The following DPYD variants were observed in gnomAD, a reference collection of about 807,000 sequenced individuals.
DPYD encodes the protein dihydropyrimidine dehydrogenase [NADP(+)].
A neutral mutation model predicts 116.2 loss-of-function variants in DPYD; 109 were observed. The observed-to-expected ratio is 0.94, with a 90% confidence interval of 0.80 to 1.10. The LOEUF (loss-of-function observed/expected upper bound fraction) is 1.10. Among genes scored for constraint, DPYD ranks in the 50% least tolerant of loss-of-function variants. The probability of loss-of-function intolerance (pLI) is 0.00; values close to 1 mark genes in which losing one functional copy is unlikely to be tolerated. For missense variants in DPYD, 1,302 were observed against 1,254.5 expected (o/e 1.04, Z -0.57); for synonymous variants, 440 against 432.0 (o/e 1.02, Z -0.23).
chr1:97,233,648 T>C (rs1661722964), intron 19 of DPYD, among the ~76,000 whole-genome samples: 1 of 152,128 alleles, frequency 6.6e-6, no homozygotes, highest in Non-Finnish European at 1.5e-5. Context: ...GCTTTTCATC[T>C]GTGCCTATTG....
intron 10 of DPYD, among the ~76,000 whole-genome samples, chr1:97,591,147 C>T (rs1654490095): frequency 6.6e-6 from 1 of 152,124 alleles, no homozygotes; most frequent in African/African-American, 2.4e-5. Flanking sequence ...CCTCAACTTC[C>T]TCATCTCTTT....
intron 8 of DPYD, among the ~76,000 whole-genome samples, chr1:97,672,721 A>G (rs1340882192): frequency 6.6e-6 from 1 of 152,188 alleles, no homozygotes; most frequent in Non-Finnish European, 1.5e-5. Context: ...CAATTTAAAA[A>G]TTCCTGATTA....
intron 5 of DPYD, chr1:97,720,585 C>A (rs1662867158): frequency 2.7e-6 from 3 of 1,103,780 alleles, no homozygotes; most frequent in South Asian, 3.7e-5. Flanking sequence ...AAGGGAATAA[C>A]CCTGATTTAT....
At chr1:97,766,203 T>C (rs563929216) in intron 3 of DPYD, among the ~76,000 whole-genome samples, 1 of 152,196 alleles carries the variant, frequency 6.6e-6, no homozygotes, top group Admixed American at 6.5e-5. Flanking sequence ...ATTGCGCCAT[T>C]GCACTCCAGC....
At chr1:97,401,018 G>A (rs745334025) in intron 14 of DPYD, among the ~76,000 whole-genome samples, 7 of 152,076 alleles carry the variant, frequency 4.6e-5, no homozygotes, top group Non-Finnish European at 1.0e-4. Flanking sequence ...TAATAGATGT[G>A]TAGTGGTACC....
chr1:97,412,822 C>G (rs1379962185), intron 14 of DPYD, among the ~76,000 whole-genome samples: 1 of 152,140 alleles, frequency 6.6e-6, no homozygotes, highest in African/African-American at 2.4e-5. Context: ...TCAGAACCTT[C>G]TGAATTATTT....
At position 97,515,919 on chromosome 1, in the gene DPYD, G is replaced by T. The variant is rs769514867; in HGVS notation, c.1547C>A (p.Ser516Tyr). ...AAAGAGGGGTAGTTCAGGCTTGGCA[G>T]AAACGGAAGCTCCATATTGTGACTG... ...YVQSQYGASV[S>Y]AKPELPLFYT... Residue 516 changes from serine (S) to tyrosine (Y), a missense_variant, in exon 13 of 23, where the codon TCT becomes TAT. By Grantham distance (144) the Ser-to-Tyr change is moderately radical. Coordinates refer to ENST00000370192, the MANE Select transcript of DPYD (RefSeq NM_000110.4). 2 of 1,612,628 alleles carry T rather than the reference G, an allele frequency of 1.2e-6. No homozygotes were observed. Among genetic ancestry groups the T allele is most frequent in the Non-Finnish European group, 1.7e-6 (2 of 1,179,090 alleles).
intron 7 of DPYD, among the ~76,000 whole-genome samples, chr1:97,680,654 G>A (rs1660381946): frequency 6.6e-6 from 1 of 152,194 alleles, no homozygotes; most frequent in South Asian, 2.1e-4. Flanking sequence ...TATGTAATCT[G>A]AAGCGATCTG....
chr1:97,713,492 C>A (rs1018137210), intron 5 of DPYD, among the ~76,000 whole-genome samples: 5 of 152,032 alleles, frequency 3.3e-5, no homozygotes, highest in African/African-American at 1.2e-4. Context: ...CATCTGGCCC[C>A]ACAGTTCTAT....
intron 12 of DPYD, among the ~76,000 whole-genome samples, chr1:97,528,807 T>G (rs1339908722): frequency 2.0e-5 from 3 of 152,198 alleles, no homozygotes; most frequent in Non-Finnish European, 4.4e-5. Flanking sequence ...TACTGACTTC[T>G]GCATTCTCCT....
chr1:97,114,775 A>G (rs1326673921), intron 20 of DPYD, among the ~76,000 whole-genome samples: 1 of 152,200 alleles, frequency 6.6e-6, no homozygotes, highest in African/African-American at 2.4e-5. Context: ...CATATTCAAT[A>G]AAATCACAAA....
At chr1:97,237,764 C>A (rs1662052858) in intron 18 of DPYD, among the ~76,000 whole-genome samples, 1 of 152,198 alleles carries the variant, frequency 6.6e-6, no homozygotes, top group African/African-American at 2.4e-5. Context: ...ATATAACTGG[C>A]ATAGCCAATA....
chr1:97,167,267 T>C (rs964706583), intron 20 of DPYD, among the ~76,000 whole-genome samples: 2 of 152,198 alleles, frequency 1.3e-5, no homozygotes, highest in African/African-American at 2.4e-5. Context: ...CTCATATTCA[T>C]ATACTCTCTC....
intron 14 of DPYD, among the ~76,000 whole-genome samples, chr1:97,432,820 T>G (rs191919425): frequency 2.6e-4 from 39 of 152,272 alleles, no homozygotes; most frequent in African/African-American, 8.9e-4. Flanking sequence ...GTGCCGCTGC[T>G]TTAGTTAGAT....
intron 16 of DPYD, among the ~76,000 whole-genome samples, chr1:97,307,655 T>C (rs1321248023): frequency 2.0e-5 from 3 of 151,880 alleles, no homozygotes; most frequent in African/African-American, 4.8e-5. Flanking sequence ...TCATTAAACA[T>C]AAATATTAAA....
intron 2 of DPYD, among the ~76,000 whole-genome samples, chr1:97,843,667 C>T (rs1670145978): frequency 6.6e-6 from 1 of 152,076 alleles, no homozygotes; most frequent in African/African-American, 2.4e-5. Flanking sequence ...GTCAAATGTT[C>T]ATTAATTTAG....
chr1:97,350,012 T>A (rs904551851), intron 16 of DPYD, among the ~76,000 whole-genome samples: 2 of 147,540 alleles, frequency 1.4e-5, no homozygotes, highest in African/African-American at 4.9e-5. Flanking sequence ...AGAAGAAATA[T>A]GTAATTAAAG....
chr1:97,844,600 G>A (rs76855550), intron 2 of DPYD, among the ~76,000 whole-genome samples: 3 of 152,226 alleles, frequency 2.0e-5, no homozygotes, highest in Non-Finnish European at 4.4e-5. Flanking sequence ...AGTGGCTGCT[G>A]TGAAGACACC....
chr1:97,611,273 A>C (rs928859965), intron 8 of DPYD, among the ~76,000 whole-genome samples: 2 of 152,010 alleles, frequency 1.3e-5, no homozygotes, highest in African/African-American at 4.8e-5. Flanking sequence ...CCCATTTACT[A>C]TCACGAGAAC....
Sources: allele counts gnomAD v4.1 joint callset (sites outside exome capture counted in the v4.1 genomes callset), GRCh38; gene constraint gnomAD v4.1.1; transcripts MANE v1.5; gene names NCBI Gene and HGNC (gene_info 2026-07-23, HGNC 2026-07-21).